The following ENTREP2 variants were observed in gnomAD, a reference collection of about 807,000 sequenced individuals.
The protein encoded by ENTREP2 is protein ENTREP2.
the ENTREP2 span, among the ~76,000 whole-genome samples, chr15:29,223,085 CAAA>C: frequency 6.6e-6 from 1 of 152,100 alleles, no homozygotes; most frequent in Non-Finnish European, 1.5e-5. Context: ...ACAAATCAAA[CAAA>C]GAAGCTGGGC....
chr15:29,448,794 C>T, the ENTREP2 span, among the ~76,000 whole-genome samples: 2 of 152,188 alleles, frequency 1.3e-5, no homozygotes, highest in Admixed American at 1.3e-4. Flanking sequence ...TTTAATCCAG[C>T]TTTTTCCATC....
chr15:29,285,305 C>T, the ENTREP2 span, among the ~76,000 whole-genome samples: 1 of 152,178 alleles, frequency 6.6e-6, no homozygotes, highest in Non-Finnish European at 1.5e-5. Flanking sequence ...TCAGTACCAG[C>T]CTGGCAGTAC....
chr15:29,270,296 C>T, the ENTREP2 span, among the ~76,000 whole-genome samples: 9 of 152,320 alleles, frequency 5.9e-5, no homozygotes, highest in African/African-American at 1.7e-4. Flanking sequence ...TCTAATGCCC[C>T]GTGGAGTCTG....
At chr15:29,299,055 C>A in the ENTREP2 span, among the ~76,000 whole-genome samples, 1 of 152,182 alleles carries the variant, frequency 6.6e-6, no homozygotes. Context: ...AATGATAACA[C>A]ACCATGACCA....
At chr15:29,296,851 T>C in the ENTREP2 span, among the ~76,000 whole-genome samples, 2 of 152,124 alleles carry the variant, frequency 1.3e-5, no homozygotes, top group Admixed American at 1.3e-4. Context: ...AGAGTAAGGG[T>C]TACTCTAGGC....
the ENTREP2 span, among the ~76,000 whole-genome samples, chr15:29,479,724 A>G: frequency 6.6e-6 from 1 of 151,474 alleles, no homozygotes; most frequent in Non-Finnish European, 1.5e-5. Flanking sequence ...GGGACCTAGA[A>G]TAAGCTGTTC....
the ENTREP2 span, among the ~76,000 whole-genome samples, chr15:29,522,933 A>C: frequency 3.3e-4 from 50 of 152,216 alleles, no homozygotes; most frequent in Admixed American, 1.5e-3. Flanking sequence ...AAAAAGCTTA[A>C]AGGAAAAAGC....
the ENTREP2 span, among the ~76,000 whole-genome samples, chr15:29,454,180 C>T: frequency 6.6e-6 from 1 of 152,186 alleles, no homozygotes; most frequent in Non-Finnish European, 1.5e-5. Context: ...TTTAAATTTG[C>T]ATTTCTCTGA....
chr15:29,128,434 C>T, the ENTREP2 span, among the ~76,000 whole-genome samples: 5 of 152,216 alleles, frequency 3.3e-5, no homozygotes, highest in African/African-American at 1.2e-4. Flanking sequence ...GACATTTGCC[C>T]GGTAGGTACA....
chr15:29,516,968 C>CAAAAAAA, the ENTREP2 span, among the ~76,000 whole-genome samples: 358 of 88,556 alleles, frequency 4.0e-3, 2 homozygotes, highest in African/African-American at 0.016. Flanking sequence ...AATTATGAGC[C>CAAAAAAA]AAAAAAAAAA....
At chr15:29,429,917 C>A in the ENTREP2 span, among the ~76,000 whole-genome samples, 1 of 152,174 alleles carries the variant, frequency 6.6e-6, no homozygotes, top group African/African-American at 2.4e-5. Flanking sequence ...CATTCATCCA[C>A]GCCTGATGTA....
At chr15:29,429,613 A>G in the ENTREP2 span, among the ~76,000 whole-genome samples, 69,705 of 152,142 alleles carry the variant, frequency 0.46, 17,083 homozygotes, top group African/African-American at 0.64. Flanking sequence ...CATTAAAAAC[A>G]TCACCTGCTT....
chr15:29,233,586 G>A, the ENTREP2 span: 1 of 625,250 alleles, frequency 1.6e-6, no homozygotes, highest in East Asian at 2.7e-5. Flanking sequence ...ACAAAATACT[G>A]ACTATAAGAC....
At chr15:29,427,803 C>A in the ENTREP2 span, among the ~76,000 whole-genome samples, 2 of 152,144 alleles carry the variant, frequency 1.3e-5, no homozygotes, top group Non-Finnish European at 2.9e-5. Context: ...ACGTGGACAT[C>A]AGTGGGGTTG....
chr15:29,591,218 G>C, the ENTREP2 span, among the ~76,000 whole-genome samples: 6 of 152,234 alleles, frequency 3.9e-5, no homozygotes, highest in South Asian at 1.2e-3. Flanking sequence ...TGAGATCAAT[G>C]CCTAATTAGT....
chr15:29,158,779 T>A, the ENTREP2 span, among the ~76,000 whole-genome samples: 6 of 152,170 alleles, frequency 3.9e-5, no homozygotes, highest in Non-Finnish European at 5.9e-5. Flanking sequence ...GATATTCTGA[T>A]GTTATTAGCT....
the ENTREP2 span, among the ~76,000 whole-genome samples, chr15:29,542,533 T>C: frequency 6.6e-6 from 1 of 151,220 alleles, no homozygotes; most frequent in Non-Finnish European, 1.5e-5. Context: ...CTCGATCTCC[T>C]GACCTCGTGA....
chr15:29,671,394 G>A, the ENTREP2 span, among the ~76,000 whole-genome samples: 1 of 152,228 alleles, frequency 6.6e-6, no homozygotes, highest in African/African-American at 2.4e-5. Flanking sequence ...GGACAGAAGT[G>A]TAGGTTCTCT....
the ENTREP2 span, among the ~76,000 whole-genome samples, chr15:29,571,561 A>G: frequency 4.6e-5 from 7 of 152,330 alleles, no homozygotes; most frequent in Admixed American, 6.5e-5. Flanking sequence ...TTCCGAGAAC[A>G]TTGCCAGGAC....
Sources: allele counts gnomAD v4.1 joint callset (sites outside exome capture counted in the v4.1 genomes callset), GRCh38; gene constraint gnomAD v4.1.1; transcripts MANE v1.5; gene names NCBI Gene and HGNC (gene_info 2026-07-23, HGNC 2026-07-21).